MSR1: variants seen among roughly 807,000 people sequenced by gnomAD.
MSR1 encodes the protein macrophage scavenger receptor types I and II.
Under a neutral mutation model 47.2 loss-of-function variants are expected in MSR1, and 53 were observed. That is an observed-to-expected ratio of 1.12 (90% confidence interval 0.90 to 1.41). The LOEUF (loss-of-function observed/expected upper bound fraction) is 1.41. MSR1 is among the 40% of genes most tolerant of loss of function. The pLI is 0.00. For missense variants in MSR1, 786 were observed against 546.9 expected (o/e 1.44, Z -4.36); for synonymous variants, 239 against 185.6 (o/e 1.29, Z -2.34).
intron 5 of MSR1, among the ~76,000 whole-genome samples, chr8:16,159,725 T>G (rs1801109967): frequency 1.3e-5 from 2 of 152,004 alleles, no homozygotes; most frequent in Admixed American, 1.3e-4. Context: ...GAATATGAGA[T>G]ACTTTTATAC....
chr8:16,156,408 T>C (rs1159851662), intron 5 of MSR1, among the ~76,000 whole-genome samples: 1 of 151,868 alleles, frequency 6.6e-6, no homozygotes, highest in African/African-American at 2.4e-5. Context: ...GTACATTTTG[T>C]TGTTGCTTAT....
intron 8 of MSR1, among the ~76,000 whole-genome samples, chr8:16,123,861 T>A (rs1270779525): frequency 1.3e-5 from 2 of 152,180 alleles, no homozygotes; most frequent in Non-Finnish European, 2.9e-5. Flanking sequence ...AAGACCCGAA[T>A]CTGCTTAGGA....
intron 8 of MSR1, among the ~76,000 whole-genome samples, chr8:16,128,680 T>C (rs375658295): frequency 6.6e-6 from 1 of 152,190 alleles, no homozygotes; most frequent in Admixed American, 6.5e-5. Context: ...TCAGTGCATA[T>C]AAACTTAAAA....
intron 1 of MSR1, among the ~76,000 whole-genome samples, chr8:16,184,416 G>T (rs1801933802): frequency 6.6e-6 from 1 of 152,038 alleles, no homozygotes; most frequent in Admixed American, 6.6e-5. Flanking sequence ...AGAAAAAAAT[G>T]GTATTTTAAA....
At chr8:16,175,997 C>T (rs890597554) in intron 2 of MSR1, among the ~76,000 whole-genome samples, 5 of 151,892 alleles carry the variant, frequency 3.3e-5, no homozygotes, top group African/African-American at 1.2e-4. Flanking sequence ...GTAGTAGAGA[C>T]AAATCAATAT....
chr8:16,155,203 C>A, intron 5 of MSR1, 59 bp from the exon 6 acceptor site: 1 of 1,276,532 alleles, frequency 7.8e-7, no homozygotes, highest in Non-Finnish European at 1.1e-6. Context: ...ATGGGTTAGT[C>A]ATCTGTCAAG....
rs1802116323 is a variant in MSR1 at position 16,189,494 on chromosome 8, ATTTTATATATAT to A, written c.-5+3092_-5+3103del. Among the ~76,000 whole-genome samples the A allele has an allele frequency of 6.3e-5, 6 of 95,664 alleles. 1 individual carries two copies. The South Asian group carries it at 1.9e-3, about 30-fold the overall frequency. 62.8% of individuals were successfully genotyped at this position (95,664 alleles called of 152,430 possible). A position where few individuals can be genotyped will look rare whatever the true frequency, so the allele number is the denominator to read the frequency against. ...TTATATATTTTATATATAAAATCTTATTTTATATATATTTTTATATATAAAAAATCATATTTT... is the reference window on the plus strand; with the variant it reads ...TTATATATTTTATATATAAAATCTTATTTTATATATAAAAAATCATATTTT... On this transcript the variant is annotated intron_variant, in intron 1 of 9. Coordinates refer to ENST00000262101, the MANE Select transcript of MSR1 (RefSeq NM_138715.3).
At chr8:16,128,229 G>C (rs1166060668) in intron 8 of MSR1, among the ~76,000 whole-genome samples, 2 of 152,056 alleles carry the variant, frequency 1.3e-5, no homozygotes, top group Non-Finnish European at 2.9e-5. Flanking sequence ...ATCAATTCTT[G>C]ATACCTTCCT....
chr8:16,189,855 T>G (rs569252077), intron 1 of MSR1, among the ~76,000 whole-genome samples: 2 of 147,346 alleles, frequency 1.4e-5, no homozygotes, highest in African/African-American at 5.0e-5. Flanking sequence ...TTTAAACTTT[T>G]TTTCCTTTTC....
intron 1 of MSR1, among the ~76,000 whole-genome samples, chr8:16,179,096 T>C (rs1275158303): frequency 6.6e-6 from 1 of 152,202 alleles, no homozygotes; most frequent in East Asian, 1.9e-4. Flanking sequence ...TAGAGGTGTG[T>C]TTTTTGAGTG....
intron 2 of MSR1, among the ~76,000 whole-genome samples, chr8:16,176,977 T>C (rs1336971147): frequency 6.6e-6 from 1 of 152,228 alleles, no homozygotes; most frequent in Non-Finnish European, 1.5e-5. Flanking sequence ...TCTCTTTCTT[T>C]TCTGCCTCCA....
In MSR1 at chr8:16,134,876, A is replaced by G. The variant is rs920313279; in HGVS notation, c.1033+8682T>C. 3.9e-5 allele frequency among the ~76,000 whole-genome samples: 6 copies of G among 152,316 alleles called. No homozygotes were observed. The East Asian group carries it at 1.2e-3, about 29-fold the overall frequency. Reference sequence around the variant, plus strand: ...AGTTAGTGGCCTTCATATATGATCAAAATAACCATGACACTCACTTAAGAC... The same window carrying G: ...AGTTAGTGGCCTTCATATATGATCAGAATAACCATGACACTCACTTAAGAC... On this transcript the variant is annotated intron_variant, in intron 8 of 9. Transcript: ENST00000262101.
At chr8:16,128,409 G>A (rs1184197485) in intron 8 of MSR1, among the ~76,000 whole-genome samples, 1 of 152,076 alleles carries the variant, frequency 6.6e-6, no homozygotes, top group Non-Finnish European at 1.5e-5. Flanking sequence ...GACACCAGGA[G>A]CTCAGTGCTC....
At chr8:16,111,454 C>T (rs13276711) in intron 9 of MSR1, among the ~76,000 whole-genome samples, 1 of 152,050 alleles carries the variant, frequency 6.6e-6, no homozygotes, top group African/African-American at 2.4e-5. Context: ...TTTTGTAGGT[C>T]TACTCAGTGA....
rs200647948 is a variant in MSR1 at position 16,120,509 on chromosome 8, A to T, written c.1131T>A (p.Asp377Glu). The change falls in exon 9 of 10, where the codon GAT (aspartate) becomes GAA (glutamate). Residue 377 changes from aspartate (D) to glutamate (E), a missense_variant. Asp to Glu is a conservative substitution (Grantham distance 45). Transcript: ENST00000262101. ...HSGQWGTICD[D>E]RWEVRVGQVV... ...CCTGTCCAACGCGCACTTCCCAGCG[A>T]TCGTCACAAATTGTACCCCACTGGC... The T allele has an allele frequency of 9.9e-5, 159 of 1,613,490 alleles. No homozygotes were observed. Among genetic ancestry groups the T allele is most frequent in the Non-Finnish European group, 1.1e-4 (133 of 1,179,890 alleles).
intron 4 of MSR1, among the ~76,000 whole-genome samples, chr8:16,165,891 T>C (rs1439424272): frequency 6.6e-6 from 1 of 152,132 alleles, no homozygotes; most frequent in Non-Finnish European, 1.5e-5. Context: ...TTCTCTATCT[T>C]GCACCTCCTC....
chr8:16,173,347 T>C (rs1463078396), intron 3 of MSR1, among the ~76,000 whole-genome samples: 1 of 152,226 alleles, frequency 6.6e-6, no homozygotes, highest in Non-Finnish European at 1.5e-5. Flanking sequence ...GGCAGTGATT[T>C]GCATAAAGGT....
In MSR1 at chr8:16,177,878, C is replaced by G; in HGVS notation, c.103+8G>C. ...ACCTCCATGGGCAGCCCATCCCCCT[C>G]TACTTACTCGGAGGAAGCAAAGCTG... On this transcript the variant is annotated splice_region_variant and intron_variant, in intron 2 of 9. Coordinates refer to ENST00000262101, the MANE Select transcript of MSR1 (RefSeq NM_138715.3). 6.2e-7 allele frequency: 1 copy of G among 1,612,370 alleles called. No individual in the cohort carries two copies. The highest frequency in any genetic ancestry group is 1.1e-5 in the South Asian group (1 of 91,022).
At chr8:16,122,221 T>C (rs1368388182) in intron 8 of MSR1, among the ~76,000 whole-genome samples, 1 of 152,124 alleles carries the variant, frequency 6.6e-6, no homozygotes, top group Non-Finnish European at 1.5e-5. Context: ...TATTATAGTA[T>C]TTCAACTTTC....
Sources: gnomAD v4.1 joint callset for allele counts (sites outside exome capture counted in the v4.1 genomes callset) on GRCh38, gnomAD v4.1.1 for gene constraint, MANE v1.5 for transcripts, NCBI Gene and HGNC (gene_info 2026-07-23, HGNC 2026-07-21) for gene names.